The following LEKR1 variants were observed in gnomAD, a reference collection of about 807,000 sequenced individuals.
The protein encoded by LEKR1 is leucine, glutamate and lysine rich 1, also known as protein LEKR1.
Under a neutral mutation model 72.4 loss-of-function variants are expected in LEKR1, and 59 were observed. The observed-to-expected ratio is 0.82, with a 90% CI of 0.66 to 1.01. The LOEUF (loss-of-function observed/expected upper bound fraction) is 1.01, where lower values mean the gene tolerates loss of function less well. Among genes scored for constraint, LEKR1 ranks in the 50% least tolerant of loss-of-function variants. The pLI is 0.00. For missense variants in LEKR1, 728 were observed against 759.2 expected (o/e 0.96, Z 0.48); for synonymous variants, 257 against 263.2 (o/e 0.98, Z 0.23).
chr3:157,041,106 G>C (rs1283036605), intron 12 of LEKR1, among the ~76,000 whole-genome samples: 1 of 152,048 alleles, frequency 6.6e-6, no homozygotes, highest in African/African-American at 2.4e-5. Context: ...TTCCTTCTCA[G>C]GGGGAGGGCA....
chr3:157,020,905 AG>A (rs1220600755), intron 10 of LEKR1, among the ~76,000 whole-genome samples: 1 of 151,086 alleles, frequency 6.6e-6, no homozygotes. Flanking sequence ...ACAGTGTAAA[AG>A]GGTTCCTATT....
At chr3:156,877,145 T>C (rs180768509) in intron 3 of LEKR1, among the ~76,000 whole-genome samples, 1 of 152,364 alleles carries the variant, frequency 6.6e-6, no homozygotes, top group East Asian at 1.9e-4. Flanking sequence ...AAACCATCCC[T>C]GTATCTCTGA....
chr3:156,982,146 A>G (rs866921791), intron 7 of LEKR1, among the ~76,000 whole-genome samples: 3 of 152,246 alleles, frequency 2.0e-5, no homozygotes, highest in African/African-American at 7.2e-5. Flanking sequence ...TTAAAAATAG[A>G]GATTTTATCA....
At chr3:156,886,291 A>T (rs1720067265) in intron 3 of LEKR1, among the ~76,000 whole-genome samples, 1 of 151,706 alleles carries the variant, frequency 6.6e-6, no homozygotes, top group Admixed American at 6.6e-5. Context: ...GGCTGTTCTC[A>T]CTCCTGCTAT....
At chr3:156,908,106 G>A (rs1350334455) in intron 3 of LEKR1, among the ~76,000 whole-genome samples, 1 of 152,120 alleles carries the variant, frequency 6.6e-6, no homozygotes. Context: ...CATCATATCA[G>A]GGTGTGTGTC....
intron 12 of LEKR1, among the ~76,000 whole-genome samples, chr3:157,042,335 C>G (rs1303600452): frequency 6.6e-6 from 1 of 152,222 alleles, no homozygotes; most frequent in Non-Finnish European, 1.5e-5. Flanking sequence ...GGGCCCCAGG[C>G]AGTCAGCAGC....
rs532269521 is a variant in LEKR1, at chr3:156,923,283, C to T, written c.383+2589C>T. Among the ~76,000 whole-genome samples, 8 of 152,304 alleles carry T rather than the reference C, an allele frequency of 5.3e-5. No individual in the cohort carries two copies. In the South Asian group the frequency reaches 1.7e-3, roughly 32 times the overall value. On this transcript the variant is annotated intron_variant, in intron 4 of 12. Transcript: ENST00000356539. ...GGCAACCACATCCAATATTAGAACA[C>T]TTGACTAATTCCAGAAAAGACCCTC...
chr3:156,893,597 G>A (rs897924838), intron 3 of LEKR1, among the ~76,000 whole-genome samples: 1 of 152,070 alleles, frequency 6.6e-6, no homozygotes, highest in Non-Finnish European at 1.5e-5. Context: ...TTAAAAGTGT[G>A]TGGCATCCCT....
In LEKR1 at chr3:156,829,149, T is replaced by G. The variant is rs1489014899; in HGVS notation, c.-44-137T>G. On this transcript the variant is annotated intron_variant, in intron 1 of 12. Coordinates refer to ENST00000356539, the MANE Select transcript of LEKR1 (RefSeq NM_001004316.3). ...AAAACCCTAACTGTACCTTCTAACA[T>G]TGAGCTGATGAAATAAGCATCTGTT... 5.7e-6 allele frequency: 3 copies of G among 529,420 alleles called. No individual in the cohort carries two copies. The Admixed American group carries it at 1.1e-4, about 19-fold the overall frequency. 32.8% of individuals were successfully genotyped at this position (529,420 alleles called of 1,614,324 possible).
intron 3 of LEKR1, among the ~76,000 whole-genome samples, chr3:156,899,477 C>CAT (rs1560063921): frequency 1.3e-5 from 1 of 78,286 alleles, no homozygotes; most frequent in Non-Finnish European, 2.6e-5. Flanking sequence ...TGTATATATA[C>CAT]ATACATACAT....
intron 5 of LEKR1, among the ~76,000 whole-genome samples, chr3:156,934,035 T>C (rs1725483841): frequency 6.6e-6 from 1 of 152,222 alleles, no homozygotes; most frequent in Admixed American, 6.5e-5. Flanking sequence ...ATTGAAAGTC[T>C]CAGTTCAAAT....
chr3:156,944,937 A>G (rs1233721054), intron 6 of LEKR1, among the ~76,000 whole-genome samples: 6 of 151,724 alleles, frequency 4.0e-5, no homozygotes, highest in African/African-American at 1.5e-4. Context: ...TATAACTACC[A>G]GTGAGATTCC....
At chr3:157,012,664 C>T (rs1321848390) in intron 10 of LEKR1, among the ~76,000 whole-genome samples, 2 of 152,056 alleles carry the variant, frequency 1.3e-5, no homozygotes, top group African/African-American at 4.8e-5. Flanking sequence ...TACACAGTCA[C>T]GAAATAATAA....
At chr3:156,844,777 G>T (rs1714371743) in intron 2 of LEKR1, among the ~76,000 whole-genome samples, 1 of 151,848 alleles carries the variant, frequency 6.6e-6, no homozygotes, top group African/African-American at 2.4e-5. Flanking sequence ...GGGAATCTAG[G>T]TTTTTTTCCA....
At chr3:156,920,437 C>A in intron 3 of LEKR1, 138 bp from the exon 4 acceptor site, 1 of 534,704 alleles carries the variant, frequency 1.9e-6, no homozygotes, top group Non-Finnish European at 3.1e-6. Flanking sequence ...CATATTTTTT[C>A]TGTACATTCA....
At chr3:157,021,062 C>T (rs1014520203) in intron 10 of LEKR1, among the ~76,000 whole-genome samples, 3 of 151,782 alleles carry the variant, frequency 2.0e-5, no homozygotes, top group African/African-American at 7.2e-5. Flanking sequence ...TGTCTTTTGG[C>T]TGCATAAATG....
At chr3:156,967,339 G>A (rs186206575) in intron 6 of LEKR1, among the ~76,000 whole-genome samples, 2 of 152,246 alleles carry the variant, frequency 1.3e-5, no homozygotes, top group South Asian at 2.1e-4. Context: ...GCTAAAGGAG[G>A]AAGTTCGAAC....
rs540775246 is a variant in LEKR1 at position 156,909,533 on chromosome 3, C to T, written c.264-11042C>T. 2.4e-4 allele frequency among the ~76,000 whole-genome samples: 37 copies of T among 151,960 alleles called. No homozygotes were observed. In the South Asian group the frequency reaches 7.5e-3, roughly 31 times the overall value. On this transcript the variant is annotated intron_variant, in intron 3 of 12. Transcript: ENST00000356539. ...GGGTGTGGTGGCATGCGCCTGTAGT[C>T]CCAGCTACTCAGGAGGCTGAGGCAG...
intron 12 of LEKR1, among the ~76,000 whole-genome samples, chr3:157,035,176 T>C (rs1734874707): frequency 6.6e-6 from 1 of 152,226 alleles, no homozygotes; most frequent in South Asian, 2.1e-4. Flanking sequence ...TTATATGCAA[T>C]GGGAAACCAA....
Sources: gnomAD v4.1 joint callset for allele counts (sites outside exome capture counted in the v4.1 genomes callset) on GRCh38, gnomAD v4.1.1 for gene constraint, MANE v1.5 for transcripts, NCBI Gene and HGNC (gene_info 2026-07-23, HGNC 2026-07-21) for gene names.